CALN1: variants seen among roughly 807,000 people sequenced by gnomAD.
CALN1 encodes the protein calcium-binding protein 8.
CALN1 carries 17 observed loss-of-function variants against 30.6 expected under a neutral mutation model. The observed-to-expected ratio is 0.56, with a 90% CI of 0.38 to 0.83. CALN1 has a LOEUF of 0.83. CALN1 is among the 40% of genes least tolerant of loss of function. CALN1 has a pLI of 0.00. For synonymous variants in CALN1, 156 were observed against 131.4 expected, an observed-to-expected ratio of 1.19 and a Z score of -1.28; for missense variants, 291 against 354.9, an observed-to-expected ratio of 0.82 and a Z score of 1.45.
chr7:72,208,254 G>A (rs536128), intron 3 of CALN1, among the ~76,000 whole-genome samples: 1,548 of 152,240 alleles, frequency 0.01, 23 homozygotes, highest in African/African-American at 0.035. Flanking sequence ...ATATTCTTAC[G>A]TTGAATAGGA....
At chr7:72,138,996 TC>T (rs1809699753) in intron 3 of CALN1, among the ~76,000 whole-genome samples, 1 of 152,182 alleles carries the variant, frequency 6.6e-6, no homozygotes, top group African/African-American at 2.4e-5. Flanking sequence ...GCGTTCAATC[TC>T]AAAAATTCAT....
intron 3 of CALN1, among the ~76,000 whole-genome samples, chr7:72,260,055 G>A (rs1297216739): frequency 1.3e-5 from 2 of 152,170 alleles, no homozygotes; most frequent in Non-Finnish European, 2.9e-5. Context: ...AACATAGTGA[G>A]ATACCATCTC....
chr7:71,821,968 A>G (rs1788620368), intron 5 of CALN1, among the ~76,000 whole-genome samples: 3 of 151,720 alleles, frequency 2.0e-5, no homozygotes, highest in African/African-American at 4.8e-5. Flanking sequence ...CAGTCTGGCC[A>G]TGTTGGCCCA....
intron 2 of CALN1, among the ~76,000 whole-genome samples, chr7:72,338,169 G>T (rs1802188170): frequency 6.6e-6 from 1 of 152,134 alleles, no homozygotes; most frequent in Non-Finnish European, 1.5e-5. Context: ...TGCCCCCAAG[G>T]TTGTGCCAAT....
At chr7:72,242,297 G>A (rs575781594) in intron 3 of CALN1, among the ~76,000 whole-genome samples, 12 of 152,138 alleles carry the variant, frequency 7.9e-5, no homozygotes, top group African/African-American at 2.9e-4. Context: ...ATGCTGCTAT[G>A]AACATAGATG....
intron 2 of CALN1, among the ~76,000 whole-genome samples, chr7:72,292,139 A>T (rs62459264): frequency 0.31 from 46,424 of 151,906 alleles, 7,772 homozygotes; most frequent in Non-Finnish European, 0.36. Context: ...ATTACTTTCA[A>T]TGGCAAAAAT....
chr7:72,172,189 T>C (rs1364781674), intron 3 of CALN1, among the ~76,000 whole-genome samples: 1 of 152,208 alleles, frequency 6.6e-6, no homozygotes, highest in Non-Finnish European at 1.5e-5. Flanking sequence ...AGTCTGAGTT[T>C]TTAACAGCCA....
intron 2 of CALN1, among the ~76,000 whole-genome samples, chr7:72,310,929 C>A (rs59848109): frequency 0.028 from 3,377 of 120,148 alleles, 116 homozygotes; most frequent in African/African-American, 0.088. Flanking sequence ...AAAAAAAAAA[C>A]AAAAATAAAG....
chr7:72,381,171 A>C (rs1283737920), intron 2 of CALN1, among the ~76,000 whole-genome samples: 4 of 152,238 alleles, frequency 2.6e-5, no homozygotes, highest in African/African-American at 4.8e-5. Context: ...GTATTAAATT[A>C]TGCAGAGCAA....
At chr7:72,141,681 G>A (rs1320685881) in intron 3 of CALN1, among the ~76,000 whole-genome samples, 3 of 152,042 alleles carry the variant, frequency 2.0e-5, no homozygotes, top group Non-Finnish European at 4.4e-5. Flanking sequence ...CGATTCTCCT[G>A]CTTCAGCCTC....
At chr7:72,270,574 C>T (rs189365470) in intron 3 of CALN1, among the ~76,000 whole-genome samples, 7 of 152,180 alleles carry the variant, frequency 4.6e-5, no homozygotes, top group Admixed American at 3.9e-4. Flanking sequence ...GAGTTCAAGA[C>T]AAGCCTGGGC....
At chr7:72,484,205 A>C in the CALN1 span, among the ~76,000 whole-genome samples, 1 of 152,016 alleles carries the variant, frequency 6.6e-6, no homozygotes, top group Non-Finnish European at 1.5e-5. Flanking sequence ...ATTGGATATG[A>C]GTTCATATTG....
At chr7:72,335,417 A>G (rs933434239) in intron 2 of CALN1, among the ~76,000 whole-genome samples, 1 of 152,212 alleles carries the variant, frequency 6.6e-6, no homozygotes, top group African/African-American at 2.4e-5. Context: ...GTGTGTCTCA[A>G]CACACACAGC....
At chr7:72,145,131 C>T (rs1480663954) in intron 3 of CALN1, among the ~76,000 whole-genome samples, 4 of 152,080 alleles carry the variant, frequency 2.6e-5, no homozygotes, top group African/African-American at 7.2e-5. Flanking sequence ...CAGAGCAGAA[C>T]TGAAGGAGAC....
chr7:72,112,941 C>G (rs189986721), intron 3 of CALN1, among the ~76,000 whole-genome samples: 1 of 152,216 alleles, frequency 6.6e-6, no homozygotes, highest in African/African-American at 2.4e-5. Flanking sequence ...TCTTTTAAAT[C>G]TCAAGTCTAT....
intron 2 of CALN1, among the ~76,000 whole-genome samples, chr7:72,304,310 G>C (rs980116755): frequency 6.6e-6 from 1 of 152,192 alleles, no homozygotes; most frequent in Admixed American, 6.5e-5. Context: ...AGGATGGAGA[G>C]ATCCCATTTC....
At chr7:72,141,898 A>G (rs1269097961) in intron 3 of CALN1, among the ~76,000 whole-genome samples, 2 of 152,118 alleles carry the variant, frequency 1.3e-5, no homozygotes, top group South Asian at 2.1e-4. Context: ...GATGGGCCCT[A>G]TGTCAAAACA....
intron 4 of CALN1, among the ~76,000 whole-genome samples, chr7:72,065,261 A>G (rs1803942982): frequency 6.6e-6 from 1 of 151,964 alleles, no homozygotes; most frequent in Non-Finnish European, 1.5e-5. Context: ...AATCTCAACT[A>G]TTAGTTGTAC....
chr7:72,199,537 T>C (rs531033802), intron 3 of CALN1, among the ~76,000 whole-genome samples: 1 of 152,058 alleles, frequency 6.6e-6, no homozygotes, highest in Non-Finnish European at 1.5e-5. Context: ...TTGGGCAACA[T>C]AGTGAGACCA....
Sources: allele counts gnomAD v4.1 joint callset (sites outside exome capture counted in the v4.1 genomes callset), GRCh38; gene constraint gnomAD v4.1.1; transcripts MANE v1.5; gene names NCBI Gene and HGNC (gene_info 2026-07-23, HGNC 2026-07-21).